The following JPT1 variants were observed in gnomAD, a reference collection of about 807,000 sequenced individuals.
JPT1 encodes androgen-regulated protein 2.
A neutral mutation model predicts 17.0 loss-of-function variants in JPT1; 5 were observed. The ratio of observed to expected loss-of-function variants is 0.29; its 90% CI spans 0.15 to 0.62. The LOEUF is 0.62. JPT1 is among the 20% of genes least tolerant of loss of function. The pLI is 0.85. For missense variants in JPT1, 158 were observed against 188.1 expected (o/e 0.84, Z 0.94); for synonymous variants, 71 against 73.6 (o/e 0.96, Z 0.18).
In JPT1 at chr17:75,142,757, A is replaced by G. The variant is rs1568031416; in HGVS notation, c.316+3909T>C. 6.6e-6 allele frequency: 3 copies of G among 456,162 alleles called. No homozygotes were observed. In the Admixed American group the frequency reaches 7.1e-5, roughly 11 times the overall value. 28.3% of individuals were successfully genotyped at this position (456,162 alleles called of 1,614,324 possible). A position where few individuals can be genotyped will look rare whatever the true frequency, so the allele number is the denominator to read the frequency against. On this transcript the variant is annotated intron_variant, in intron 4 of 4. Coordinates refer to ENST00000409753, the MANE Select transcript of JPT1 (RefSeq NM_016185.4). ...CAAGAAGTGGAATCAAAAAACCTAG[A>G]TTTTACCTCCAGAAGTCTTTCCAGA...
chr17:75,148,507 TGA>T lies in JPT1; in HGVS notation c.199+20_199+21del. The T allele has an allele frequency of 6.2e-7, 1 of 1,613,748 alleles. No individual in the cohort carries two copies. The highest frequency in any genetic ancestry group is 1.1e-5 in the South Asian group (1 of 91,016). ...ATGCTGGGCCCATCCCTTTGAACAGTGAGCACAGATAACAAGAGTACCTGCTG... is the reference window on the plus strand; with the variant it reads ...ATGCTGGGCCCATCCCTTTGAACAGTGCACAGATAACAAGAGTACCTGCTG... On this transcript the variant is annotated intron_variant, in intron 2 of 4. Transcript: ENST00000409753.
intron 4 of JPT1, among the ~76,000 whole-genome samples, chr17:75,138,006 G>C (rs905485211): frequency 2.7e-5 from 4 of 150,242 alleles, no homozygotes; most frequent in Non-Finnish European, 5.9e-5. Flanking sequence ...GTCCAGGCTA[G>C]AGTGCAACAG....
chr17:75,142,868 A>G (rs1258285757), intron 4 of JPT1: 1 of 430,330 alleles, frequency 2.3e-6, no homozygotes, highest in Non-Finnish European at 4.7e-6. Flanking sequence ...ATTATGATAT[A>G]CATACGTATA....
At chr17:75,151,480 ACTGT>A (rs2074551931) in intron 1 of JPT1, among the ~76,000 whole-genome samples, 1 of 152,138 alleles carries the variant, frequency 6.6e-6, no homozygotes, top group Non-Finnish European at 1.5e-5. Flanking sequence ...ACATGGTGAA[ACTGT>A]CTGTACTACA....
At chr17:75,152,168 A>T (rs1033965919) in intron 1 of JPT1, among the ~76,000 whole-genome samples, 1 of 152,212 alleles carries the variant, frequency 6.6e-6, no homozygotes, top group Non-Finnish European at 1.5e-5. Context: ...TGTAGATCAT[A>T]AGGCAGAAAG....
intron 4 of JPT1, among the ~76,000 whole-genome samples, 199 bp from the exon 5 acceptor site, chr17:75,136,449 GTTC>G (rs1439710201): frequency 6.6e-6 from 1 of 151,762 alleles, no homozygotes; most frequent in African/African-American, 2.4e-5. Flanking sequence ...TGTTGTTTAT[GTTC>G]TTTTCTAAAT....
chr17:75,148,565 G>C lies in JPT1; in HGVS notation c.163C>G (p.Pro55Ala). The change falls in exon 2 of 5, where the codon CCT becomes GCT. Residue 55 changes from proline to alanine, a missense_variant. By Grantham distance (27) the Pro-to-Ala change is conservative. Transcript: ENST00000409753. Reference sequence around the variant, plus strand: ...GCCCAAGAAGCTTGATTTTCTTCAGGTGTCCCAAAGATATTAGAGGCCATT... The same window carrying C: ...GCCCAAGAAGCTTGATTTTCTTCAGCTGTCCCAAAGATATTAGAGGCCATT... ...NKMASNIFGTPEENQASWAKS... is the reference protein window; with the variant it reads ...NKMASNIFGTAEENQASWAKS... 6.2e-7 allele frequency: 1 copy of C among 1,614,086 alleles called. No individual in the cohort carries two copies. The highest frequency in any genetic ancestry group is 1.1e-5 in the South Asian group (1 of 91,080).
intron 1 of JPT1, among the ~76,000 whole-genome samples, chr17:75,149,492 C>G (rs2074504059): frequency 6.6e-6 from 1 of 152,108 alleles, no homozygotes; most frequent in Non-Finnish European, 1.5e-5. Flanking sequence ...CTCAGCCTCC[C>G]GGATAGCTGG....
chr17:75,146,759 C>G, intron 3 of JPT1, 75 bp from the exon 4 acceptor site: 1 of 878,386 alleles, frequency 1.1e-6, no homozygotes, highest in East Asian at 2.6e-5. Flanking sequence ...TAGTTCATAG[C>G]AGCTAACATC....
chr17:75,150,705 C>A (rs2074532339), intron 1 of JPT1, among the ~76,000 whole-genome samples: 1 of 151,604 alleles, frequency 6.6e-6, no homozygotes, highest in African/African-American at 2.4e-5. Context: ...TTTTTAACTT[C>A]TTTTTTTTGT....
chr17:75,151,416 G>A (rs1000944120), intron 1 of JPT1, among the ~76,000 whole-genome samples: 4 of 152,064 alleles, frequency 2.6e-5, no homozygotes, highest in Admixed American at 6.6e-5. Context: ...CTAGCACTTT[G>A]AGAAGCCAAG....
intron 1 of JPT1, among the ~76,000 whole-genome samples, chr17:75,150,847 C>CTTTTTTTTTTT (rs59267123): frequency 4.4e-4 from 29 of 65,952 alleles, no homozygotes; most frequent in South Asian, 5.9e-4. Flanking sequence ...ATTTTTCTTT[C>CTTTTTTTTTTT]TTTTTTTTTT....
intron 1 of JPT1, among the ~76,000 whole-genome samples, chr17:75,152,000 C>T (rs2074562023): frequency 6.6e-6 from 1 of 151,732 alleles, no homozygotes; most frequent in South Asian, 2.1e-4. Context: ...GAAAAAGACA[C>T]TAGTACCCGA....
intron 1 of JPT1, among the ~76,000 whole-genome samples, chr17:75,150,858 T>TTTTTTTGTTTTGTTTTG (rs2074536896): frequency 7.0e-6 from 1 of 142,444 alleles, no homozygotes; most frequent in Non-Finnish European, 1.5e-5. Flanking sequence ...TTTTTTTTTT[T>TTTTTTTGTTTTGTTTTG]TTTTTTTTTT....
intron 4 of JPT1, among the ~76,000 whole-genome samples, chr17:75,144,629 C>A (rs1316857922): frequency 6.6e-6 from 1 of 152,174 alleles, no homozygotes; most frequent in Non-Finnish European, 1.5e-5. Flanking sequence ...GAAGGGGTCA[C>A]AGGAACCCCA....
chr17:75,149,862 T>TCAC (rs1555652223), intron 1 of JPT1, among the ~76,000 whole-genome samples: 1 of 147,492 alleles, frequency 6.8e-6, no homozygotes, highest in African/African-American at 2.5e-5. Flanking sequence ...CTTACACACT[T>TCAC]ACACACACAC....
chr17:75,150,436 A>T (rs1197761649), intron 1 of JPT1, among the ~76,000 whole-genome samples: 1 of 152,160 alleles, frequency 6.6e-6, no homozygotes, highest in East Asian at 1.9e-4. Context: ...TATTTTCAGT[A>T]GAGACGGGGT....
intron 4 of JPT1, among the ~76,000 whole-genome samples, chr17:75,139,680 C>T (rs1204524297): frequency 1.3e-5 from 2 of 151,866 alleles, no homozygotes; most frequent in Non-Finnish European, 2.9e-5. Flanking sequence ...ATTAGCTGGG[C>T]GTGTGTGCGC....
chr17:75,149,422 C>T (rs193142810), intron 1 of JPT1, among the ~76,000 whole-genome samples: 40 of 152,242 alleles, frequency 2.6e-4, no homozygotes, highest in African/African-American at 8.7e-4. Context: ...GGCTGGAGTG[C>T]AGTGGCGCGA....
Sources: gnomAD v4.1 joint callset for allele counts (sites outside exome capture counted in the v4.1 genomes callset) on GRCh38, gnomAD v4.1.1 for gene constraint, MANE v1.5 for transcripts, NCBI Gene and HGNC (gene_info 2026-07-23, HGNC 2026-07-21) for gene names.